Variants in PDSS2 observed in about 807,000 individuals in gnomAD.
PDSS2 encodes decaprenyl diphosphate synthase subunit 2.
In PDSS2, 31 loss-of-function variants were observed where a neutral mutation model predicts 44.5. The ratio of observed to expected loss-of-function variants is 0.70; its 90% CI spans 0.52 to 0.94. PDSS2 has a LOEUF of 0.94. Ranked by LOEUF, PDSS2 falls within the 40% of genes least tolerant of loss-of-function variation. The probability of loss-of-function intolerance (pLI) is 0.00; values close to 1 mark genes in which losing one functional copy is unlikely to be tolerated. For synonymous variants in PDSS2, 157 were observed against 180.3 expected, an observed-to-expected ratio of 0.87 and a Z score of 1.03; for missense variants, 452 against 482.2, an observed-to-expected ratio of 0.94 and a Z score of 0.59.
In PDSS2 at chr6:107,210,471, C is replaced by T; in HGVS notation, c.976G>A (p.Gly326Arg). 1 of 1,610,096 alleles carries T rather than the reference C, an allele frequency of 6.2e-7. No homozygotes were observed. The highest frequency in any genetic ancestry group is 8.5e-7 in the Non-Finnish European group (1 of 1,176,700). Residue 326 changes from glycine (G) to arginine (R), a missense_variant, in exon 6 of 8, where the codon GGA becomes AGA. By Grantham distance (125) the Gly-to-Arg change is moderately radical (BLOSUM62 -2). Transcript: ENST00000369037. Reference protein sequence around the residue: ...APVVLHQEFLGRDLWIKQIGE... With the variant: ...APVVLHQEFLRRDLWIKQIGE... Reference sequence around the variant, plus strand: ...ATCTGTTTAATCCACAAATCTCTTCCAAGAAATTCCTGATGTAAGACTACA... The same window carrying T: ...ATCTGTTTAATCCACAAATCTCTTCTAAGAAATTCCTGATGTAAGACTACA...
intron 6 of PDSS2, among the ~76,000 whole-genome samples, chr6:107,204,028 C>T (rs761631705): frequency 1.3e-4 from 19 of 151,838 alleles, no homozygotes; most frequent in African/African-American, 1.9e-4. Flanking sequence ...CTGCAACCTC[C>T]GCCTCCCGGG....
At chr6:107,217,693 T>G (rs1355270136) in intron 4 of PDSS2, among the ~76,000 whole-genome samples, 5 of 152,144 alleles carry the variant, frequency 3.3e-5, no homozygotes, top group African/African-American at 1.2e-4. Flanking sequence ...GCCCTGTGAC[T>G]CAGGAATCCC....
chr6:107,212,326 A>T (rs1773249403), intron 4 of PDSS2, 44 bp from the exon 5 acceptor site: 1 of 1,446,078 alleles, frequency 6.9e-7, no homozygotes, highest in Non-Finnish European at 9.6e-7. Context: ...CTTTAGGAGT[A>T]ATTTAATTGT....
In PDSS2 at chr6:107,208,609, CT is replaced by C. The variant is rs74772386; in HGVS notation, c.1008+1829del. ...ATGAGCCACCACACCTGGCCTGTGA[CT>C]TTTTTTTTTTTTTTTGGGGACGGAG... On this transcript the variant is annotated intron_variant, in intron 6 of 7. Transcript: ENST00000369037. 3.5e-3 allele frequency among the ~76,000 whole-genome samples: 468 copies of C among 132,108 alleles called. 2 individuals carry two copies. Among genetic ancestry groups the C allele is most frequent in the East Asian group, 5.3e-3 (22 of 4,150 alleles). 86.7% of individuals were successfully genotyped at this position (132,108 alleles called of 152,430 possible).
chr6:107,253,809 T>A (rs577152377), intron 3 of PDSS2, among the ~76,000 whole-genome samples: 2 of 152,330 alleles, frequency 1.3e-5, no homozygotes, highest in Non-Finnish European at 2.9e-5. Flanking sequence ...CTGACTCATT[T>A]ATTTGTTTAA....
rs185431482 is a variant in PDSS2 at position 107,452,597 on chromosome 6, A to G, written c.296+6393T>C. Reference sequence around the variant, plus strand: ...CCCTTCTTTGAATATGTGATTTGCAAATATTTTCTCCCAGTCTGTGGCTAA... The same window carrying G: ...CCCTTCTTTGAATATGTGATTTGCAGATATTTTCTCCCAGTCTGTGGCTAA... On this transcript the variant is annotated intron_variant, in intron 1 of 7. Transcript: ENST00000369037. 2.6e-5 allele frequency among the ~76,000 whole-genome samples: 4 copies of G among 152,140 alleles called. 1 individual carries two copies. In the East Asian group the frequency reaches 7.7e-4, roughly 29 times the overall value.
In PDSS2 at chr6:107,427,380, A is replaced by T. The variant is rs537849105; in HGVS notation, c.296+31610T>A. On this transcript the variant is annotated intron_variant, in intron 1 of 7. Transcript: ENST00000369037. ...GTCCATTACATCTTTTTTTCTTCCC[A>T]GTCTCGGGTATGTCTTTATCAGCAG... is the stretch of plus-strand genomic sequence containing the variant. 1.8e-4 allele frequency among the ~76,000 whole-genome samples: 27 copies of T among 152,032 alleles called. No homozygotes were observed. In the South Asian group the frequency reaches 5.6e-3, roughly 32 times the overall value.
intron 2 of PDSS2, among the ~76,000 whole-genome samples, chr6:107,306,107 A>G (rs1776851562): frequency 6.6e-6 from 1 of 152,148 alleles, no homozygotes; most frequent in Admixed American, 6.5e-5. Flanking sequence ...CTTATCTTTG[A>G]ATCTTTTTTC....
intron 1 of PDSS2, among the ~76,000 whole-genome samples, chr6:107,448,101 C>A (rs1387907904): frequency 6.6e-6 from 1 of 152,142 alleles, no homozygotes; most frequent in African/African-American, 2.4e-5. Context: ...GGGGCTGGAC[C>A]TGGCCCAGGA....
chr6:107,456,082 G>C (rs928740668), intron 1 of PDSS2, among the ~76,000 whole-genome samples: 20 of 152,174 alleles, frequency 1.3e-4, no homozygotes, highest in Admixed American at 6.5e-5. Context: ...CGGCACTTTG[G>C]GAGGCTGAGG....
chr6:107,447,165 C>T (rs1781712019), intron 1 of PDSS2, among the ~76,000 whole-genome samples: 1 of 151,950 alleles, frequency 6.6e-6, no homozygotes, highest in South Asian at 2.1e-4. Context: ...AACCCCATCT[C>T]TATTAAAAAT....
rs552763489 is a variant in PDSS2, at chr6:107,369,407, G to A, written c.297-35075C>T. Among the ~76,000 whole-genome samples, 508 of 152,100 alleles carry A rather than the reference G, an allele frequency of 3.3e-3. 3 individuals carry two copies. The highest frequency in any genetic ancestry group is 0.012 in the African/African-American group (489 of 41,476). On this transcript the variant is annotated intron_variant, in intron 1 of 7. Coordinates refer to ENST00000369037, the MANE Select transcript of PDSS2 (RefSeq NM_020381.4). ...CCCTCCAGCCTGGGCAACAGAGTGA[G>A]ACTCCATCTCAAAAAATAATAATAA... is the stretch of plus-strand genomic sequence containing the variant.
At chr6:107,179,222 C>T (rs757303516) in intron 7 of PDSS2, among the ~76,000 whole-genome samples, 6 of 152,108 alleles carry the variant, frequency 3.9e-5, no homozygotes, top group African/African-American at 1.2e-4. Flanking sequence ...CATTGCGCTA[C>T]ACACTAATCA....
chr6:107,270,374 A>T (rs145104439), intron 3 of PDSS2, among the ~76,000 whole-genome samples: 2,295 of 151,882 alleles, frequency 0.015, 59 homozygotes, highest in African/African-American at 0.053. Flanking sequence ...AGCCTCCGAA[A>T]GTGCTGGGAT....
At chr6:107,272,920 T>G (rs781360886) in intron 3 of PDSS2, among the ~76,000 whole-genome samples, 2 of 152,106 alleles carry the variant, frequency 1.3e-5, no homozygotes, top group African/African-American at 2.4e-5. Flanking sequence ...ATTATGCTAC[T>G]GCACTTTATT....
At chr6:107,265,491 A>G (rs549042721) in intron 3 of PDSS2, among the ~76,000 whole-genome samples, 12 of 152,338 alleles carry the variant, frequency 7.9e-5, no homozygotes, top group African/African-American at 1.4e-4. Context: ...ACAGTGACAT[A>G]TTATAAACAG....
At chr6:107,341,462 C>A (rs1329577023) in intron 1 of PDSS2, among the ~76,000 whole-genome samples, 4 of 152,034 alleles carry the variant, frequency 2.6e-5, no homozygotes, top group Non-Finnish European at 5.9e-5. Flanking sequence ...AAATGCTGTG[C>A]CTATAGAGTT....
chr6:107,306,520 T>A (rs772252294), intron 2 of PDSS2, among the ~76,000 whole-genome samples: 1 of 152,202 alleles, frequency 6.6e-6, no homozygotes, highest in Non-Finnish European at 1.5e-5. Context: ...ATCAGCAGCA[T>A]GAAAACGGAC....
At chr6:107,253,523 G>A (rs1040031261) in intron 3 of PDSS2, among the ~76,000 whole-genome samples, 5 of 152,156 alleles carry the variant, frequency 3.3e-5, no homozygotes, top group Admixed American at 2.0e-4. Flanking sequence ...AGGTTAATAC[G>A]TAAGTTGCAA....
Sources: gnomAD v4.1 joint callset for allele counts (sites outside exome capture counted in the v4.1 genomes callset) on GRCh38, gnomAD v4.1.1 for gene constraint, MANE v1.5 for transcripts, NCBI Gene and HGNC (gene_info 2026-07-23, HGNC 2026-07-21) for gene names.